MLIP: variants seen among roughly 807,000 people sequenced by gnomAD.
MLIP encodes the protein muscular LMNA-interacting protein.
In MLIP, 79 loss-of-function variants were observed where a neutral mutation model predicts 84.8. The observed-to-expected ratio is 0.93, with a 90% CI of 0.78 to 1.12. The LOEUF is 1.12. Ranked by LOEUF, MLIP falls within the 50% of genes most tolerant of loss-of-function variation. MLIP has a pLI of 0.00. For synonymous variants in MLIP, 504 were observed against 463.0 expected (o/e 1.09, Z -1.14); for missense variants, 1,257 against 1,160.6 (o/e 1.08, Z -1.21).
chr6:54,043,661 A>G (rs146820776), intron 1 of MLIP, among the ~76,000 whole-genome samples: 1 of 152,310 alleles, frequency 6.6e-6, no homozygotes, highest in East Asian at 1.9e-4. Flanking sequence ...CAGAGATAGG[A>G]TGGGGCTTCT....
In MLIP at chr6:54,230,749, T is replaced by A; in HGVS notation, c.2754T>A (p.His918Gln). ...VTVPPKPVSL[H>Q]PLYQTKLYPP... ...TCCCTCCCAAGCCTGTCTCGCTCCA[T>A]CCTTTATATCAGACTAAACTCTATC... Residue 918 changes from histidine to glutamine, a missense_variant, in exon 12 of 14, where the codon CAT (histidine) becomes CAA (glutamine). Physicochemically the swap from His to Gln is conservative, Grantham distance 24 (BLOSUM62 0). Coordinates refer to ENST00000502396, the MANE Select transcript of MLIP (RefSeq NM_001281747.2). 1 of 1,614,074 alleles carries A rather than the reference T, an allele frequency of 6.2e-7. No individual in the cohort carries two copies. The highest frequency in any genetic ancestry group is 1.1e-5 in the South Asian group (1 of 91,082).
chr6:54,211,065 C>T (rs1328684988), intron 11 of MLIP, among the ~76,000 whole-genome samples: 1 of 151,802 alleles, frequency 6.6e-6, no homozygotes, highest in African/African-American at 2.4e-5. Context: ...ATGGTGAAAC[C>T]CCATCTCTAC....
chr6:54,158,760 T>C (rs557028101), intron 5 of MLIP, among the ~76,000 whole-genome samples: 2 of 152,146 alleles, frequency 1.3e-5, no homozygotes, highest in East Asian at 1.9e-4. Context: ...CAGGCTGAAA[T>C]TCAGAACGTT....
intron 1 of MLIP, among the ~76,000 whole-genome samples, chr6:54,026,133 T>A (rs1024611489): frequency 6.6e-6 from 1 of 152,154 alleles, no homozygotes; most frequent in Non-Finnish European, 1.5e-5. Flanking sequence ...ACTCCTGAAT[T>A]TTTAGTAAAA....
At chr6:54,179,652 C>G (rs909318361) in intron 9 of MLIP, among the ~76,000 whole-genome samples, 2 of 152,036 alleles carry the variant, frequency 1.3e-5, no homozygotes, top group African/African-American at 4.8e-5. Flanking sequence ...ACACTTGACA[C>G]TAATTGCATA....
Position 54,050,743 on chromosome 6 carries a change from TG to T in MLIP, c.63+31653del, listed in dbSNP as rs199770443. Among the ~76,000 whole-genome samples the T allele has an allele frequency of 3.5e-3, 537 of 152,270 alleles. 8 individuals are homozygous for T. The highest frequency in any genetic ancestry group is 0.03 in the Admixed American group (463 of 15,274). ...AAAATAGAGAAATGAGTGCAGTTTT[TG>T]TATTCTGGCAAGCTGTATGGGCATC... On this transcript the variant is annotated intron_variant, in intron 1 of 12. Coordinates refer to the MLIP transcript ENST00000274897.
chr6:54,235,791 G>A (rs1344395264), intron 12 of MLIP, among the ~76,000 whole-genome samples: 6 of 152,182 alleles, frequency 3.9e-5, no homozygotes, highest in Non-Finnish European at 8.8e-5. Flanking sequence ...CAGATCTGAT[G>A]GAGTGTGTTG....
At chr6:54,083,115 A>G (rs1048737968) in intron 1 of MLIP, among the ~76,000 whole-genome samples, 4 of 152,132 alleles carry the variant, frequency 2.6e-5, no homozygotes, top group African/African-American at 9.7e-5. Flanking sequence ...TGTAGAAGCT[A>G]TTGTAAGGTT....
Position 54,263,235 on chromosome 6 carries a change from G to T in MLIP, c.2977-2715G>T, listed in dbSNP as rs1783495954. The stretch of plus-strand genomic sequence containing the variant: ...ACTCACATCATTCAGATGTCACATG[G>T]TTTTGACCCCAGATTCAACATTTTA... On this transcript the variant is annotated intron_variant, in intron 13 of 13. Coordinates refer to ENST00000502396, the MANE Select transcript of MLIP (RefSeq NM_001281747.2). 4.6e-5 allele frequency among the ~76,000 whole-genome samples: 7 copies of T among 151,940 alleles called. No homozygotes were observed. In the South Asian group the frequency reaches 1.4e-3, roughly 31 times the overall value.
rs73741449 is a variant in MLIP at position 54,143,073 on chromosome 6, T to C, written c.2217+4787T>C. Among the ~76,000 whole-genome samples the C allele has an allele frequency of 5.7e-3, 861 of 152,304 alleles. 14 individuals carry two copies. The highest frequency in any genetic ancestry group is 0.019 in the African/African-American group (778 of 41,570). On this transcript the variant is annotated intron_variant, in intron 4 of 13. Transcript: ENST00000502396. Reference sequence around the variant, plus strand: ...TATGCTATCTGTCACTCGGCCTCTATACTGACCAGTTCTGTGTACCACTCC... The same window carrying C: ...TATGCTATCTGTCACTCGGCCTCTACACTGACCAGTTCTGTGTACCACTCC...
At chr6:54,251,456 A>ATATATATATATATC (rs1404203303) in intron 12 of MLIP, among the ~76,000 whole-genome samples, 1 of 132,040 alleles carries the variant, frequency 7.6e-6, no homozygotes, top group African/African-American at 3.2e-5. Context: ...ATATATATAT[A>ATATATATATATATC]TATATATATA....
intron 4 of MLIP, among the ~76,000 whole-genome samples, chr6:54,143,732 C>T (rs1397458479): frequency 6.6e-6 from 1 of 152,050 alleles, no homozygotes; most frequent in Non-Finnish European, 1.5e-5. Context: ...AGACGAAGAA[C>T]TAAAAATTTG....
At chr6:54,240,634 A>G (rs187048432) in intron 12 of MLIP, among the ~76,000 whole-genome samples, 1 of 152,158 alleles carries the variant, frequency 6.6e-6, no homozygotes, top group Non-Finnish European at 1.5e-5. Flanking sequence ...TAACTTTAGG[A>G]CTCAGATTGG....
At chr6:54,162,853 C>A (rs1774793378) in intron 8 of MLIP, among the ~76,000 whole-genome samples, 1 of 151,824 alleles carries the variant, frequency 6.6e-6, no homozygotes, top group Non-Finnish European at 1.5e-5. Context: ...GCGTCCTGTA[C>A]AGAGTTCCAA....
intron 12 of MLIP, among the ~76,000 whole-genome samples, chr6:54,249,706 GAGGAAC>G (rs1319773065): frequency 7.1e-6 from 1 of 140,228 alleles, no homozygotes; most frequent in African/African-American, 2.9e-5. Context: ...TTGGGGAAAT[GAGGAAC>G]ACACACACAC....
rs1470994471 is a variant in MLIP at position 54,169,573 on chromosome 6, G to GT, written c.2544+2dup. The GT allele has an allele frequency of 1.2e-5, 19 of 1,584,834 alleles. No homozygotes were observed. The highest frequency in any genetic ancestry group is 3.5e-5 in the Admixed American group (2 of 56,586). ...AGCAGCTGGTCGAGAAACCAAATAT[G>GT]TAAGTACCTTTATAATTATACACAC... On this transcript the variant is annotated splice_donor_variant, in intron 9 of 13. Coordinates refer to ENST00000502396, the MANE Select transcript of MLIP (RefSeq NM_001281747.2). LOFTEE classifies it high-confidence loss of function.
chr6:54,261,216 C>T (rs551234097), intron 13 of MLIP, among the ~76,000 whole-genome samples: 2 of 151,878 alleles, frequency 1.3e-5, no homozygotes, highest in South Asian at 4.2e-4. Flanking sequence ...CTCTTCTATC[C>T]ACAACCACTC....
chr6:54,249,768 CAT>C (rs971343634), intron 12 of MLIP, among the ~76,000 whole-genome samples: 2 of 151,578 alleles, frequency 1.3e-5, no homozygotes, highest in Non-Finnish European at 2.9e-5. Flanking sequence ...TATATATACA[CAT>C]GTATACACGT....
At chr6:54,168,091 T>G (rs1254089997) in intron 8 of MLIP, among the ~76,000 whole-genome samples, 1 of 152,056 alleles carries the variant, frequency 6.6e-6, no homozygotes, top group Non-Finnish European at 1.5e-5. Flanking sequence ...TTAAATATTT[T>G]TCAATATATT....
Sources: allele counts gnomAD v4.1 joint callset (sites outside exome capture counted in the v4.1 genomes callset), GRCh38; gene constraint gnomAD v4.1.1; transcripts MANE v1.5; gene names NCBI Gene and HGNC (gene_info 2026-07-23, HGNC 2026-07-21).